The following ZHX2 variants were observed in gnomAD, a reference collection of about 807,000 sequenced individuals.
The protein encoded by ZHX2 is zinc fingers and homeoboxes protein 2.
Under a neutral mutation model 21.9 loss-of-function variants are expected in ZHX2, and 6 were observed. That is an observed-to-expected ratio of 0.27 (90% CI 0.15 to 0.54). The LOEUF (loss-of-function observed/expected upper bound fraction) is 0.54, where lower values mean the gene tolerates loss of function less well. Ranked by LOEUF, ZHX2 falls within the 20% of genes least tolerant of loss-of-function variation. The pLI, the probability that ZHX2 is intolerant of heterozygous loss-of-function variation, is 0.95. For synonymous variants in ZHX2, 434 were observed against 437.1 expected (o/e 0.99, Z 0.09); for missense variants, 908 against 1,090.7 (o/e 0.83, Z 2.36).
intron 2 of ZHX2, among the ~76,000 whole-genome samples, chr8:122,883,087 G>A (rs1819754579): frequency 6.6e-6 from 1 of 152,056 alleles, no homozygotes; most frequent in Non-Finnish European, 1.5e-5. Context: ...TTTCTCTGGT[G>A]ATCCAAACCC....
At chr8:122,900,678 T>G (rs919885041) in intron 2 of ZHX2, among the ~76,000 whole-genome samples, 2 of 152,238 alleles carry the variant, frequency 1.3e-5, no homozygotes, top group African/African-American at 4.8e-5. Flanking sequence ...GATGGTTGTT[T>G]TCCAAAGTTC....
intron 2 of ZHX2, among the ~76,000 whole-genome samples, chr8:122,898,159 A>T (rs1215704196): frequency 6.6e-6 from 1 of 152,208 alleles, no homozygotes; most frequent in Non-Finnish European, 1.5e-5. Context: ...AGATGAGGAA[A>T]CTTAACCTCA....
rs115408013 is a variant in ZHX2 at position 122,822,830 on chromosome 8, T to G, written c.-282-40647T>G. 8.1e-3 allele frequency among the ~76,000 whole-genome samples: 1,234 copies of G among 152,262 alleles called. 17 individuals are homozygous for G. Among genetic ancestry groups the G allele is most frequent in the African/African-American group, 0.028 (1,183 of 41,546 alleles). ...GGCGCGGAGCCCGGCGGATGGTGAGTGGAGACTGCTCCCGAGAGAGGCGTT... is the reference window on the plus strand; with the variant it reads ...GGCGCGGAGCCCGGCGGATGGTGAGGGGAGACTGCTCCCGAGAGAGGCGTT... On this transcript the variant is annotated intron_variant, in intron 1 of 3. Coordinates refer to ENST00000314393, the MANE Select transcript of ZHX2 (RefSeq NM_014943.5).
chr8:122,922,792 C>G (rs1056544166), intron 2 of ZHX2, among the ~76,000 whole-genome samples: 2 of 152,334 alleles, frequency 1.3e-5, no homozygotes, highest in Middle Eastern at 3.4e-3. Context: ...ATGCATGAAA[C>G]ACTTACTGTC....
At chr8:122,889,256 C>T (rs1819919753) in intron 2 of ZHX2, among the ~76,000 whole-genome samples, 1 of 152,106 alleles carries the variant, frequency 6.6e-6, no homozygotes, top group Non-Finnish European at 1.5e-5. Context: ...AGTGGGATTG[C>T]TAGATTATAT....
intron 1 of ZHX2, among the ~76,000 whole-genome samples, chr8:122,821,553 A>C (rs1818148568): frequency 6.6e-6 from 1 of 151,400 alleles, no homozygotes; most frequent in Admixed American, 6.6e-5. Context: ...AAAAAGGAGC[A>C]CTCATGCCTT....
intron 1 of ZHX2, among the ~76,000 whole-genome samples, chr8:122,831,778 G>A (rs1186759721): frequency 6.6e-6 from 1 of 152,200 alleles, no homozygotes; most frequent in Non-Finnish European, 1.5e-5. Flanking sequence ...TTGCAGTTAG[G>A]ATACCCCGTT....
intron 2 of ZHX2, among the ~76,000 whole-genome samples, chr8:122,938,767 G>A (rs1349254811): frequency 6.6e-6 from 1 of 152,116 alleles, no homozygotes; most frequent in Non-Finnish European, 1.5e-5. Context: ...GAGCCGAGGA[G>A]GCCAAGGCTA....
chr8:122,842,842 T>C (rs1437944036), intron 1 of ZHX2, among the ~76,000 whole-genome samples: 1 of 152,262 alleles, frequency 6.6e-6, no homozygotes, highest in African/African-American at 2.4e-5. Context: ...TGGCAGTCTT[T>C]GCCTGCGCTT....
chr8:122,827,804 T>C (rs1437904197), intron 1 of ZHX2, among the ~76,000 whole-genome samples: 1 of 152,178 alleles, frequency 6.6e-6, no homozygotes, highest in South Asian at 2.1e-4. Context: ...TAATATTAAA[T>C]ACAGAGACAA....
chr8:122,847,403 A>G (rs1818777226), intron 1 of ZHX2, among the ~76,000 whole-genome samples: 1 of 152,116 alleles, frequency 6.6e-6, no homozygotes, highest in African/African-American at 2.4e-5. Flanking sequence ...TCCTCCACCC[A>G]GTGACCTTCT....
chr8:122,930,590 G>A (rs1420576807), intron 2 of ZHX2, among the ~76,000 whole-genome samples: 2 of 144,054 alleles, frequency 1.4e-5, no homozygotes, highest in African/African-American at 5.2e-5. Flanking sequence ...GTCTTGCTCT[G>A]TCACCCAAAT....
chr8:122,814,845 C>G (rs1470304805), intron 1 of ZHX2, among the ~76,000 whole-genome samples: 1 of 152,026 alleles, frequency 6.6e-6, no homozygotes, highest in African/African-American at 2.4e-5. Context: ...CCACTGGTCC[C>G]TGGCATCGGT....
At chr8:122,928,579 G>A (rs1000555470) in intron 2 of ZHX2, among the ~76,000 whole-genome samples, 11 of 152,116 alleles carry the variant, frequency 7.2e-5, no homozygotes, top group Admixed American at 5.2e-4. Flanking sequence ...TTTGCCTGGC[G>A]GCAGGCACAG....
intron 2 of ZHX2, among the ~76,000 whole-genome samples, chr8:122,883,500 A>G (rs1419162669): frequency 6.6e-6 from 1 of 152,240 alleles, no homozygotes; most frequent in African/African-American, 2.4e-5. Context: ...TGGAGTGGCA[A>G]TATGGAACAC....
At chr8:122,802,613 T>A (rs919083011) in intron 1 of ZHX2, among the ~76,000 whole-genome samples, 38 of 152,344 alleles carry the variant, frequency 2.5e-4, no homozygotes, top group African/African-American at 7.0e-4. Context: ...GCAGGCTGCC[T>A]GCATGGCCCC....
At chr8:122,812,283 G>A (rs1817947398) in intron 1 of ZHX2, among the ~76,000 whole-genome samples, 1 of 152,178 alleles carries the variant, frequency 6.6e-6, no homozygotes. Context: ...AGCCTTATGG[G>A]CCACGGTCAA....
rs935229241 is a variant in ZHX2, at chr8:122,813,057, G to A, written c.-283+31111G>A. Among the ~76,000 whole-genome samples the A allele has an allele frequency of 5.9e-5, 9 of 152,102 alleles. No homozygotes were observed. The East Asian group carries it at 7.7e-4, about 13-fold the overall frequency. On this transcript the variant is annotated intron_variant, in intron 1 of 3. Coordinates refer to ENST00000314393, the MANE Select transcript of ZHX2 (RefSeq NM_014943.5). ...CTAAAAATACAAAAGTTAGCCGGAC[G>A]TGGCGGCACATGCCTGTAATTCCAG...
chr8:122,894,723 C>G (rs1820056953), intron 2 of ZHX2, among the ~76,000 whole-genome samples: 1 of 152,042 alleles, frequency 6.6e-6, no homozygotes, highest in African/African-American at 2.4e-5. Flanking sequence ...TTGCAGCACA[C>G]CAACATGGCA....
Sources: gnomAD v4.1 joint callset for allele counts (sites outside exome capture counted in the v4.1 genomes callset) on GRCh38, gnomAD v4.1.1 for gene constraint, MANE v1.5 for transcripts, NCBI Gene and HGNC (gene_info 2026-07-23, HGNC 2026-07-21) for gene names.